The following RIMS1 variants were observed in gnomAD, a reference collection of about 807,000 sequenced individuals.
RIMS1 encodes regulating synaptic membrane exocytosis 1.
Under a neutral mutation model 214.1 loss-of-function variants are expected in RIMS1, and 83 were observed. That is an observed-to-expected ratio of 0.39 (90% confidence interval 0.32 to 0.47). The LOEUF (loss-of-function observed/expected upper bound fraction) is 0.47, where lower values mean the gene tolerates loss of function less well. Among genes scored for constraint, RIMS1 ranks in the 20% least tolerant of loss-of-function variants. RIMS1 has a pLI of 0.99. For missense variants in RIMS1, 2,050 were observed against 2,161.8 expected, an observed-to-expected ratio of 0.95 and a Z score of 1.03; for synonymous variants, 793 against 786.8, an observed-to-expected ratio of 1.01 and a Z score of -0.13.
intron 1 of RIMS1, among the ~76,000 whole-genome samples, chr6:71,899,072 T>A (rs1227855901): frequency 6.6e-6 from 1 of 152,150 alleles, no homozygotes; most frequent in Non-Finnish European, 1.5e-5. Flanking sequence ...ATTATATAAG[T>A]ACATTATTGC....
At chr6:72,357,218 C>T (rs1243171155) in intron 29 of RIMS1, among the ~76,000 whole-genome samples, 1 of 152,126 alleles carries the variant, frequency 6.6e-6, no homozygotes, top group East Asian at 1.9e-4. Context: ...TTTGGGGTGG[C>T]TTTGATGTTT....
chr6:71,922,396 A>C (rs1293129526), intron 1 of RIMS1, among the ~76,000 whole-genome samples: 1 of 152,080 alleles, frequency 6.6e-6, no homozygotes, highest in African/African-American at 2.4e-5. Flanking sequence ...ACCTCATATA[A>C]ATGCACTCAT....
intron 2 of RIMS1, among the ~76,000 whole-genome samples, chr6:72,021,519 TAGC>T (rs1814679918): frequency 6.6e-6 from 1 of 152,120 alleles, no homozygotes; most frequent in East Asian, 1.9e-4. Flanking sequence ...GAACAGATAA[TAGC>T]AGCAGCATGT....
chr6:71,887,343 T>A (rs980031285), intron 1 of RIMS1, among the ~76,000 whole-genome samples, 156 bp downstream of exon 1: 1 of 151,858 alleles, frequency 6.6e-6, no homozygotes, highest in Non-Finnish European at 1.5e-5. Flanking sequence ...GCGCGGGGCT[T>A]GAGCAGGGAA....
At chr6:71,981,888 T>C (rs1798585712) in intron 2 of RIMS1, among the ~76,000 whole-genome samples, 1 of 152,146 alleles carries the variant, frequency 6.6e-6, no homozygotes, top group Non-Finnish European at 1.5e-5. Flanking sequence ...AAGTCATTGG[T>C]GTACTATAAT....
chr6:72,265,564 G>GT lies in RIMS1; in HGVS notation c.3308+63dup, dbSNP rs1368359737. ...TTGTTTATTGTTGTGAACCAAAAAA[G>GT]TTGAGTTGTAAAATTATTTCTCCTC... is the stretch of plus-strand genomic sequence containing the variant. On this transcript the variant is annotated intron_variant, in intron 21 of 33. Transcript: ENST00000521978. 1.8e-5 allele frequency: 17 copies of GT among 967,626 alleles called. No homozygotes were observed. In the African/African-American group the frequency reaches 2.3e-4, roughly 13 times the overall value. The allele number at this position is 967,626 out of a possible 1,614,324, so 59.9% of individuals were successfully genotyped here.
chr6:71,969,108 C>T, intron 2 of RIMS1, 45 bp downstream of exon 2: 1 of 1,551,504 alleles, frequency 6.4e-7, no homozygotes, highest in African/African-American at 1.4e-5. Flanking sequence ...TCGTCTCTTA[C>T]ACAGATCATG....
chr6:71,934,268 T>C (rs999389750), intron 1 of RIMS1, among the ~76,000 whole-genome samples: 2 of 152,336 alleles, frequency 1.3e-5, no homozygotes, highest in Admixed American at 6.5e-5. Flanking sequence ...AAGTTTATAG[T>C]CAGAGTGGTT....
intron 19 of RIMS1, 85 bp from the exon 20 acceptor site, chr6:72,264,890 G>A: frequency 1.3e-6 from 1 of 777,126 alleles, no homozygotes; most frequent in East Asian, 2.9e-5. Flanking sequence ...TAGCTTTATA[G>A]GCCTCCTACT....
At chr6:72,013,524 A>T (rs1238794427) in intron 2 of RIMS1, among the ~76,000 whole-genome samples, 1 of 152,188 alleles carries the variant, frequency 6.6e-6, no homozygotes, top group Non-Finnish European at 1.5e-5. Context: ...ATGACAATAT[A>T]CTGTGATTGT....
In RIMS1 at chr6:72,333,772, A is replaced by G; in HGVS notation, c.4303A>G (p.Ser1435Gly). The G allele has an allele frequency of 6.3e-7, 1 of 1,598,552 alleles. No individual in the cohort carries two copies. The highest frequency in any genetic ancestry group is 8.5e-7 in the Non-Finnish European group (1 of 1,172,388). Residue 1435 changes from serine (S) to glycine (G), a missense_variant, in exon 29 of 34, where the codon AGT (serine) becomes GGT (glycine). Ser to Gly is a moderately conservative substitution (Grantham distance 56, BLOSUM62 0). Coordinates refer to ENST00000521978, the MANE Select transcript of RIMS1 (RefSeq NM_014989.7). ...AGGKKRRSSL[S>G]AKVVAIVSRR... ...TGGAAAGAAACGGAGATCCAGCCTT[A>G]GTGCCAAAGTGGTTGCCATAGTGTC...
At chr6:72,232,671 C>A (rs888821266) in intron 6 of RIMS1, among the ~76,000 whole-genome samples, 2 of 151,372 alleles carry the variant, frequency 1.3e-5, no homozygotes, top group East Asian at 1.9e-4. Flanking sequence ...TATTGTAGTA[C>A]CTGTATAAAT....
intron 4 of RIMS1, among the ~76,000 whole-genome samples, chr6:72,124,553 A>G (rs1011150346): frequency 3.3e-5 from 5 of 151,840 alleles, no homozygotes; most frequent in African/African-American, 4.8e-5. Context: ...GTTCTCCTGG[A>G]TAATATCCTG....
chr6:71,899,475 TAC>T (rs536718066), intron 1 of RIMS1, among the ~76,000 whole-genome samples: 8 of 143,764 alleles, frequency 5.6e-5, no homozygotes, highest in African/African-American at 1.3e-4. Flanking sequence ...TGTATTTGTA[TAC>T]ACACACACAC....
chr6:72,349,225 T>A (rs972745799), intron 29 of RIMS1, among the ~76,000 whole-genome samples: 27 of 152,042 alleles, frequency 1.8e-4, no homozygotes, highest in Non-Finnish European at 3.1e-4. Flanking sequence ...ATGTTCTAGG[T>A]CTACAAGGAG....
chr6:72,284,176 G>A, intron 24 of RIMS1, 58 bp downstream of exon 24: 1 of 1,397,464 alleles, frequency 7.2e-7, no homozygotes, highest in Non-Finnish European at 1.0e-6. Flanking sequence ...ATTTAGGGGT[G>A]CTGTCACTCT....
At chr6:72,186,829 C>G (rs1361815236) in intron 6 of RIMS1, among the ~76,000 whole-genome samples, 1 of 150,004 alleles carries the variant, frequency 6.7e-6, no homozygotes, top group African/African-American at 2.4e-5. Flanking sequence ...TATATAGGAA[C>G]AATTAAGAAA....
Position 72,259,080 on chromosome 6 carries a change from G to A in RIMS1, c.3022G>A (p.Val1008Met). 6.2e-7 allele frequency: 1 copy of A among 1,612,652 alleles called. No individual in the cohort carries two copies. Among genetic ancestry groups the A allele is most frequent in the Non-Finnish European group, 8.5e-7 (1 of 1,178,964 alleles). Residue 1008 changes from valine (V) to methionine (M), a missense_variant, in exon 18 of 34, where the codon GTG (valine) becomes ATG (methionine). Val to Met is a conservative substitution (Grantham distance 21, BLOSUM62 1). Coordinates refer to ENST00000521978, the MANE Select transcript of RIMS1 (RefSeq NM_014989.7). ...RSPVDHRTRD[V>M]DSQYLSEQDS... ...TCCAGTTGATCATAGAACCAGAGAT[G>A]TGGATAGTCAGTATTTATCAGAACA...
At chr6:72,186,342 A>G (rs892098354) in intron 6 of RIMS1, among the ~76,000 whole-genome samples, 2 of 152,250 alleles carry the variant, frequency 1.3e-5, no homozygotes, top group East Asian at 3.8e-4. Flanking sequence ...AATTTTCACT[A>G]TATAATGCTG....
Sources: allele counts gnomAD v4.1 joint callset (sites outside exome capture counted in the v4.1 genomes callset), GRCh38; gene constraint gnomAD v4.1.1; transcripts MANE v1.5; gene names NCBI Gene and HGNC (gene_info 2026-07-23, HGNC 2026-07-21).